The following CD151 variants were observed in gnomAD, a reference collection of about 807,000 sequenced individuals.
CD151 encodes CD151 antigen.
Under a neutral mutation model 34.2 loss-of-function variants are expected in CD151, and 20 were observed. The ratio of observed to expected loss-of-function variants is 0.58; its 90% CI spans 0.41 to 0.85. The LOEUF (loss-of-function observed/expected upper bound fraction) is 0.85, where lower values mean the gene tolerates loss of function less well. Ranked by LOEUF, CD151 falls within the 40% of genes least tolerant of loss-of-function variation. The pLI is 0.00. For missense variants in CD151, 306 were observed against 324.5 expected (o/e 0.94, Z 0.44); for synonymous variants, 157 against 131.7 (o/e 1.19, Z -1.32).
Position 838,546 on chromosome 11 carries a change from C to G in CD151, c.*354C>G. ...AGGCCCTTCAGGAACTGGGGCCTTG[C>G]CTTGCAGCCACATGGCCCCATCCCA... On this transcript the variant is annotated 3_prime_UTR_variant, in exon 9 of 9. Coordinates refer to ENST00000397420, the MANE Select transcript of CD151 (RefSeq NM_004357.5). 2.7e-6 allele frequency: 1 copy of G among 366,778 alleles called. No homozygotes were observed. The highest frequency in any genetic ancestry group is 5.6e-5 in the East Asian group (1 of 17,834). 22.7% of individuals were successfully genotyped at this position (366,778 alleles called of 1,614,324 possible).
chr11:837,184 G>A, intron 5 of CD151, 66 bp from the exon 6 acceptor site: 1 of 1,372,642 alleles, frequency 7.3e-7, no homozygotes. Context: ...GCCATCCTGG[G>A]GCTCTGCCAG....
chr11:837,488 A>G lies in CD151; in HGVS notation c.485A>G (p.Gln162Arg). The change falls in exon 7 of 9, where the codon CAG (glutamine) becomes CGG (arginine). Residue 162 changes from glutamine (Q) to arginine (R), a missense_variant. Transcript: ENST00000397420. The part of the protein sequence containing the change: ...EFHCCGSNNS[Q>R]DWRDSEWIRS... ...CACTGCTGTGGCAGCAACAACTCAC[A>G]GGACTGGCGAGACAGTGAGTGGATC... The G allele has an allele frequency of 6.2e-7, 1 of 1,612,914 alleles. No individual in the cohort carries two copies. The highest frequency in any genetic ancestry group is 8.5e-7 in the Non-Finnish European group (1 of 1,179,958).
In CD151 at chr11:838,031, G is replaced by C. The variant is rs368998046; in HGVS notation, c.702+3G>C. The C allele has an allele frequency of 2.5e-6, 4 of 1,612,636 alleles. No individual in the cohort carries two copies. The highest frequency in any genetic ancestry group is 3.4e-6 in the Non-Finnish European group (4 of 1,179,068). Reference sequence around the variant, plus strand: ...GGATCGGCATTGCCTGTGTGCAGGTGAGGGCACATGGGGGTGGCGGTCATC... The same window carrying C: ...GGATCGGCATTGCCTGTGTGCAGGTCAGGGCACATGGGGGTGGCGGTCATC... On this transcript the variant is annotated splice_donor_region_variant and intron_variant, in intron 8 of 8. Transcript: ENST00000397420.
chr11:833,434 G>C (rs549598583), intron 1 of CD151, among the ~76,000 whole-genome samples: 1 of 152,212 alleles, frequency 6.6e-6, no homozygotes, highest in African/African-American at 2.4e-5. Flanking sequence ...AAGTGGGCGC[G>C]CCATTGGCCG....
intron 7 of CD151, 64 bp downstream of exon 7, chr11:837,682 T>C: frequency 2.0e-6 from 3 of 1,531,262 alleles, no homozygotes; most frequent in Admixed American, 3.4e-5. Context: ...CCCCAGTGAC[T>C]GGCTGTGGGC....
Position 838,425 on chromosome 11 carries a change from A to G in CD151, c.*233A>G. The G allele has an allele frequency of 1.7e-6, 1 of 589,274 alleles. No individual in the cohort carries two copies. The highest frequency in any genetic ancestry group is 3.0e-6 in the Non-Finnish European group (1 of 330,642). 36.5% of individuals were successfully genotyped at this position (589,274 alleles called of 1,614,324 possible). A position where few individuals can be genotyped will look rare whatever the true frequency, so the allele number is the denominator to read the frequency against. ...GTGTTTTGTGGGGCTCCCCAGACAC[A>G]CTCTCTGCCTGGTGGTCAGATGCAG... On this transcript the variant is annotated 3_prime_UTR_variant, in exon 9 of 9. Transcript: ENST00000397420.
At chr11:834,939 G>A (rs1196495282) in intron 2 of CD151, 1 of 152,410 alleles carries the variant, frequency 6.6e-6, no homozygotes, top group Non-Finnish European at 1.5e-5. Context: ...GGCCTGGAGA[G>A]CTTAGGAAGG....
chr11:837,816 G>A lies in CD151; in HGVS notation c.616-126G>A, dbSNP rs995526732. ...GGTGGGCAGCCCAGTGGCTGGCTGA[G>A]CTGTTGGTGGCCTGGCTGCCTAGGT... On this transcript the variant is annotated intron_variant, in intron 7 of 8. Coordinates refer to ENST00000397420, the MANE Select transcript of CD151 (RefSeq NM_004357.5). 1.7e-5 allele frequency: 15 copies of A among 863,912 alleles called. No homozygotes were observed. The South Asian group carries it at 2.0e-4, about 11-fold the overall frequency. 53.5% of individuals were successfully genotyped at this position (863,912 alleles called of 1,614,324 possible). A position where few individuals can be genotyped will look rare whatever the true frequency, so the allele number is the denominator to read the frequency against.
At chr11:834,394 T>C (rs188115095) in intron 1 of CD151, 136 bp from the exon 2 acceptor site, 6 of 152,638 alleles carry the variant, frequency 3.9e-5, no homozygotes, top group Admixed American at 2.0e-4. Context: ...AAATGTCTTG[T>C]GCCTTGCCCC....
rs1487997963 is a variant in CD151 at position 837,924 on chromosome 11, C to T, written c.616-18C>T. The T allele has an allele frequency of 1.9e-6, 3 of 1,598,566 alleles. No homozygotes were observed. Among genetic ancestry groups the T allele is most frequent in the African/African-American group, 1.3e-5 (1 of 74,580 alleles). On this transcript the variant is annotated intron_variant, in intron 7 of 8. Coordinates refer to ENST00000397420, the MANE Select transcript of CD151 (RefSeq NM_004357.5). The stretch of plus-strand genomic sequence containing the variant: ...GTGCCCCCTGGGCCCGCCTTCAACA[C>T]CCATCCGCGCCCCGCAGGGCGGCTG...
chr11:836,203 C>T, intron 3 of CD151, 48 bp from the exon 4 acceptor site: 1 of 1,430,970 alleles, frequency 7.0e-7, no homozygotes, highest in Non-Finnish European at 9.8e-7. Context: ...CCTCCCGGGC[C>T]ACCATCAGAC....
At chr11:836,877 GACATGCACAGGCGGGGCGGACACACAC>G (rs1230251771) in intron 5 of CD151, 34 bp downstream of exon 5, 3 of 1,587,632 alleles carry the variant, frequency 1.9e-6, no homozygotes, top group African/African-American at 2.7e-5. Flanking sequence ...CAGAGACACA[GACATGCACAGGCGGGGCGGACACACAC>G]ACATGCACAC....
intron 4 of CD151, 43 bp downstream of exon 4, chr11:836,485 G>C (rs1247645413): frequency 7.0e-7 from 1 of 1,422,156 alleles, no homozygotes; most frequent in Admixed American, 2.0e-5. Flanking sequence ...GGTGCAGATG[G>C]GCCCAAGGAG....
intron 2 of CD151, 74 bp from the exon 3 acceptor site, chr11:835,989 G>C: frequency 5.6e-6 from 5 of 886,170 alleles, no homozygotes; most frequent in Non-Finnish European, 7.6e-6. Context: ...GCCTGGCCCT[G>C]TGTCCCCTCC....
chr11:837,662 T>C (rs12420593), intron 7 of CD151, 44 bp downstream of exon 7: 16 of 694,538 alleles, frequency 2.3e-5, no homozygotes, highest in Admixed American at 7.5e-5. Context: ...TACGAGGTGG[T>C]GGGGGGGCAC....
At position 837,999 on chromosome 11, in the gene CD151, G is replaced by A; in HGVS notation, c.673G>A (p.Ala225Thr). The A allele has an allele frequency of 1.1e-5, 17 of 1,613,474 alleles. No homozygotes were observed. The highest frequency in any genetic ancestry group is 1.4e-5 in the Non-Finnish European group (17 of 1,179,868). ...FIQEHLRVIG[A>T]VGIGIACVQV... is the part of the protein sequence containing the mutation. Reference sequence around the variant, plus strand: ...CCAGGAGCACCTGAGGGTCATTGGGGCTGTGGGGATCGGCATTGCCTGTGT... The same window carrying A: ...CCAGGAGCACCTGAGGGTCATTGGGACTGTGGGGATCGGCATTGCCTGTGT... The change falls in exon 8 of 9, where the codon GCT becomes ACT. Residue 225 changes from alanine (A) to threonine (T), a missense_variant. By Grantham distance (58) the Ala-to-Thr change is moderately conservative. Transcript: ENST00000397420.
At chr11:837,123 G>C in intron 5 of CD151, 127 bp from the exon 6 acceptor site, 1 of 787,108 alleles carries the variant, frequency 1.3e-6, no homozygotes, top group South Asian at 1.6e-5. Context: ...GCCGAGGTGT[G>C]ACCTCAGCCC....
chr11:836,540 G>A, intron 4 of CD151, 98 bp downstream of exon 4: 1 of 1,346 alleles, frequency 7.4e-4, no homozygotes, highest in South Asian at 0.011. Context: ...GTGCTCACCT[G>A]GGGGGGGGGT....
chr11:837,201 C>T (rs2133961362), intron 5 of CD151, 49 bp from the exon 6 acceptor site: 1 of 1,500,478 alleles, frequency 6.7e-7, no homozygotes, highest in Non-Finnish European at 9.3e-7. Context: ...CCAGCCCCAC[C>T]TTGGAAGGTC....
Sources: gnomAD v4.1 joint callset for allele counts (sites outside exome capture counted in the v4.1 genomes callset) on GRCh38, gnomAD v4.1.1 for gene constraint, MANE v1.5 for transcripts, NCBI Gene and HGNC (gene_info 2026-07-23, HGNC 2026-07-21) for gene names.